The following ENTPD1 variants were observed in gnomAD, a reference collection of about 807,000 sequenced individuals.
ENTPD1 encodes ectonucleoside triphosphate diphosphohydrolase 1, also known as ATP diphosphohydrolase.
ENTPD1 carries 33 observed loss-of-function variants against 57.0 expected under a neutral mutation model. The observed-to-expected ratio is 0.58, with a 90% CI of 0.44 to 0.77. The LOEUF (loss-of-function observed/expected upper bound fraction) is 0.77, where lower values mean the gene tolerates loss of function less well. Ranked by LOEUF, ENTPD1 falls within the 30% of genes least tolerant of loss-of-function variation. The pLI is 0.00. For missense variants in ENTPD1, 501 were observed against 603.4 expected (o/e 0.83, Z 1.78); for synonymous variants, 202 against 218.8 (o/e 0.92, Z 0.68).
chr10:95,838,560 C>G (rs2098415941), intron 2 of ENTPD1, among the ~76,000 whole-genome samples: 1 of 152,212 alleles, frequency 6.6e-6, no homozygotes, highest in African/African-American at 2.4e-5. Flanking sequence ...AGGAGGCATA[C>G]TATGTGAGTT....
the ENTPD1 span, among the ~76,000 whole-genome samples, chr10:95,705,671 T>C: frequency 6.6e-6 from 1 of 152,192 alleles, no homozygotes; most frequent in African/African-American, 2.4e-5. Flanking sequence ...TTTGTATTTT[T>C]AGTAGAGATG....
rs553632754 is a variant in ENTPD1, at chr10:95,747,911, G to A, written c.37+35918G>A. On this transcript the variant is annotated intron_variant, in intron 1 of 9. Transcript: ENST00000453258. ...TTTTGAAGTGGAGTCTCGCTCTGTCGCCCAGGCTGGAGTGCAGTGGCACCA... is the reference window on the plus strand; with the variant it reads ...TTTTGAAGTGGAGTCTCGCTCTGTCACCCAGGCTGGAGTGCAGTGGCACCA... 5.7e-3 allele frequency among the ~76,000 whole-genome samples: 854 copies of A among 149,234 alleles called. 4 individuals carry two copies. The highest frequency in any genetic ancestry group is 0.011 in the Non-Finnish European group (722 of 67,600).
At chr10:95,840,672 G>A (rs1342902928) in intron 3 of ENTPD1, among the ~76,000 whole-genome samples, 1 of 152,152 alleles carries the variant, frequency 6.6e-6, no homozygotes, top group Non-Finnish European at 1.5e-5. Flanking sequence ...CTGAGCTGCT[G>A]CATTATATAT....
chr10:95,789,365 C>T (rs1269667964), intron 1 of ENTPD1, among the ~76,000 whole-genome samples: 1 of 152,022 alleles, frequency 6.6e-6, no homozygotes, highest in Non-Finnish European at 1.5e-5. Flanking sequence ...TTTGTTAACA[C>T]CTAAAAAAGA....
intron 7 of ENTPD1, among the ~76,000 whole-genome samples, chr10:95,851,546 A>G (rs1242317058): frequency 2.0e-5 from 3 of 151,616 alleles, no homozygotes; most frequent in Non-Finnish European, 2.9e-5. Context: ...CGTCATTTAC[A>G]TTAGGTATAT....
intron 1 of ENTPD1, among the ~76,000 whole-genome samples, chr10:95,812,780 A>T (rs933472704): frequency 6.6e-6 from 1 of 152,238 alleles, no homozygotes; most frequent in Non-Finnish European, 1.5e-5. Flanking sequence ...AATTTTGGCC[A>T]TTCTAATAAG....
intron 2 of ENTPD1, among the ~76,000 whole-genome samples, chr10:95,838,991 G>A (rs569298297): frequency 9.9e-5 from 15 of 151,826 alleles, no homozygotes; most frequent in Admixed American, 7.2e-4. Context: ...TACATATATT[G>A]TAAAATATAT....
At chr10:95,803,610 T>C (rs1022969945) in intron 1 of ENTPD1, among the ~76,000 whole-genome samples, 1 of 152,248 alleles carries the variant, frequency 6.6e-6, no homozygotes, top group African/African-American at 2.4e-5. Context: ...ATTAGCTCTT[T>C]GTCAGATGGG....
At position 95,777,781 on chromosome 10, in the gene ENTPD1, T is replaced by C. The variant is rs536227912; in HGVS notation, c.16+21526T>C. ...CCAGAGGTGGAGACTACAGAGGCAGTAGGCCTTGCTGAGCTGCGGTGGGCT... is the reference window on the plus strand; with the variant it reads ...CCAGAGGTGGAGACTACAGAGGCAGCAGGCCTTGCTGAGCTGCGGTGGGCT... On this transcript the variant is annotated intron_variant, in intron 1 of 9. Transcript: ENST00000371205. Among the ~76,000 whole-genome samples the C allele has an allele frequency of 6.6e-5, 10 of 152,344 alleles. No homozygotes were observed. The East Asian group carries it at 1.5e-3, about 24-fold the overall frequency.
intron 1 of ENTPD1, among the ~76,000 whole-genome samples, chr10:95,792,130 TGAA>T (rs2140272825): frequency 6.6e-6 from 1 of 151,934 alleles, no homozygotes; most frequent in South Asian, 2.1e-4. Flanking sequence ...AGAGCGTGGC[TGAA>T]GAAGATGGGA....
intron 7 of ENTPD1, among the ~76,000 whole-genome samples, chr10:95,857,866 A>G (rs1002069447): frequency 1.3e-5 from 2 of 152,184 alleles, no homozygotes; most frequent in Admixed American, 6.5e-5. Flanking sequence ...CTGCAAATCA[A>G]AAGGAACTGC....
intron 1 of ENTPD1, among the ~76,000 whole-genome samples, chr10:95,775,563 C>A (rs2098130780): frequency 6.6e-6 from 1 of 152,118 alleles, no homozygotes; most frequent in South Asian, 2.1e-4. Context: ...TTGTCAAAGA[C>A]CTTTTCTGCC....
intron 1 of ENTPD1, among the ~76,000 whole-genome samples, chr10:95,792,159 C>T (rs1254708707): frequency 6.6e-6 from 1 of 151,956 alleles, no homozygotes; most frequent in Non-Finnish European, 1.5e-5. Context: ...CATCAGACAA[C>T]CCACCCTGCT....
chr10:95,746,538 AT>A (rs1372532790), intron 1 of ENTPD1, among the ~76,000 whole-genome samples: 5 of 152,108 alleles, frequency 3.3e-5, no homozygotes, highest in Non-Finnish European at 7.4e-5. Flanking sequence ...GGGCATTAGT[AT>A]TTTTTATAAT....
the ENTPD1 span, among the ~76,000 whole-genome samples, chr10:95,694,894 G>GTTT: frequency 1.9e-5 from 2 of 103,474 alleles, no homozygotes; most frequent in African/African-American, 7.7e-5. Flanking sequence ...CTGAGGAGCT[G>GTTT]ATTTTTTTTT....
intron 1 of ENTPD1, among the ~76,000 whole-genome samples, chr10:95,757,046 G>A (rs1007489817): frequency 6.6e-6 from 1 of 152,188 alleles, no homozygotes; most frequent in African/African-American, 2.4e-5. Context: ...TGAGAGCCAG[G>A]AAGAATCTCT....
At chr10:95,829,375 T>C (rs2098389156) in intron 2 of ENTPD1, among the ~76,000 whole-genome samples, 3 of 152,334 alleles carry the variant, frequency 2.0e-5, no homozygotes, top group Non-Finnish European at 2.9e-5. Context: ...CAAGGGTTGC[T>C]CCCATCTGGT....
rs2098485925 is a variant in ENTPD1, at chr10:95,876,490, T to C, written c.*10107T>C. On this transcript the variant is annotated 3_prime_UTR_variant, in exon 10 of 10. Transcript: ENST00000371205. Reference sequence around the variant, plus strand: ...TTAAAAATATGTCTCTCTGTCCTATTCTGTATCTGTATCTCTTGGATTTTT... The same window carrying C: ...TTAAAAATATGTCTCTCTGTCCTATCCTGTATCTGTATCTCTTGGATTTTT... 8.1e-7 allele frequency: 1 copy of C among 1,231,266 alleles called. No homozygotes were observed. Among genetic ancestry groups the C allele is most frequent in the Non-Finnish European group, 1.0e-6 (1 of 987,860 alleles). The allele number at this position is 1,231,266 out of a possible 1,614,324, so 76.3% of individuals were successfully genotyped here. A position where few individuals can be genotyped will look rare whatever the true frequency, so the allele number is the denominator to read the frequency against.
intron 7 of ENTPD1, among the ~76,000 whole-genome samples, chr10:95,857,676 T>G (rs2098457538): frequency 6.6e-6 from 1 of 152,190 alleles, no homozygotes; most frequent in African/African-American, 2.4e-5. Flanking sequence ...CCTTAGGAAC[T>G]AGAGAGAGAG....
Sources: gnomAD v4.1 joint callset for allele counts (sites outside exome capture counted in the v4.1 genomes callset) on GRCh38, gnomAD v4.1.1 for gene constraint, MANE v1.5 for transcripts, NCBI Gene and HGNC (gene_info 2026-07-23, HGNC 2026-07-21) for gene names.